Variants in KLHL25 observed in about 807,000 individuals in gnomAD.
KLHL25 encodes kelch like family member 25.
A neutral mutation model predicts 30.0 loss-of-function variants in KLHL25; 41 were observed. The observed-to-expected ratio is 1.37, with a 90% confidence interval of 1.07 to 1.78. The LOEUF is 1.78. Ranked by LOEUF, KLHL25 falls within the 40% of genes most tolerant of loss-of-function variation. The pLI is 0.00. For missense variants in KLHL25, 971 were observed against 824.5 expected (o/e 1.18, Z -2.18); for synonymous variants, 399 against 355.3 (o/e 1.12, Z -1.38).
chr15:85,767,956 G>A, intron 2 of KLHL25, 61 bp downstream of exon 2: 2 of 1,092,964 alleles, frequency 1.8e-6, no homozygotes, highest in South Asian at 1.6e-5. Context: ...GGAAGAGGTG[G>A]GACTGCATTC....
At chr15:85,788,636 T>G (rs2089796960) in intron 1 of KLHL25, among the ~76,000 whole-genome samples, 1 of 152,158 alleles carries the variant, frequency 6.6e-6, no homozygotes, top group Non-Finnish European at 1.5e-5. Context: ...ACCCTAGCGC[T>G]GTGCCATACC....
At chr15:85,775,173 G>A (rs113272196) in intron 1 of KLHL25, among the ~76,000 whole-genome samples, 6,232 of 152,252 alleles carry the variant, frequency 0.041, 409 homozygotes, top group African/African-American at 0.14. Context: ...CACTGCGCCC[G>A]GCCAGGGCGA....
chr15:85,787,100 CACCCG>C (rs2089786067), intron 1 of KLHL25, among the ~76,000 whole-genome samples: 2 of 147,670 alleles, frequency 1.4e-5, no homozygotes, highest in Non-Finnish European at 3.0e-5. Context: ...AATGAGATTC[CACCCG>C]CCCCCCCACC....
Position 85,760,047 on chromosome 15 carries a change from G to C in KLHL25, c.*989C>G, listed in dbSNP as rs1056823249. 2 of 152,296 alleles carry C rather than the reference G, an allele frequency of 1.3e-5. No homozygotes were observed. The highest frequency in any genetic ancestry group is 4.8e-5 in the African/African-American group (2 of 41,448). 9.4% of individuals were successfully genotyped at this position (152,296 alleles called of 1,614,324 possible). On this transcript the variant is annotated 3_prime_UTR_variant, in exon 3 of 3. Transcript: ENST00000337975. ...TCAGGGAGCAAATGGGGGCCAAAAC[G>C]CAAGAGGATGGTGAGGGTCCCGTCA...
chr15:85,786,986 A>G (rs997753795), intron 1 of KLHL25, among the ~76,000 whole-genome samples: 2 of 152,224 alleles, frequency 1.3e-5, no homozygotes, highest in Non-Finnish European at 2.9e-5. Flanking sequence ...CAGGAGACCA[A>G]TAAGAGGCAG....
At chr15:85,770,852 G>A (rs2089666374) in intron 1 of KLHL25, 10 of 338,694 alleles carry the variant, frequency 3.0e-5, no homozygotes, top group South Asian at 2.3e-4. Flanking sequence ...CAAGAAACAG[G>A]TTCACTACTT....
intron 1 of KLHL25, among the ~76,000 whole-genome samples, chr15:85,793,539 C>G (rs1329201778): frequency 1.3e-5 from 2 of 152,162 alleles, no homozygotes; most frequent in Non-Finnish European, 2.9e-5. Flanking sequence ...GCCAGGAATC[C>G]TCACAGCTCA....
At chr15:85,790,578 GGTAAGGGAACCTGCAT>G (rs1433100478) in intron 1 of KLHL25, among the ~76,000 whole-genome samples, 2 of 152,124 alleles carry the variant, frequency 1.3e-5, no homozygotes, top group African/African-American at 4.8e-5. Flanking sequence ...GGCTCACAGG[GGTAAGGGAACCTGCAT>G]GTAGTCACAC....
intron 1 of KLHL25, among the ~76,000 whole-genome samples, chr15:85,781,114 C>G (rs2089740152): frequency 6.6e-6 from 1 of 152,162 alleles, no homozygotes; most frequent in Non-Finnish European, 1.5e-5. Flanking sequence ...GTAGGTGGAT[C>G]ACCTGAGGTC....
Position 85,768,099 on chromosome 15 carries a change from A to T in KLHL25, c.1712T>A (p.Val571Glu). 6.2e-7 allele frequency: 1 copy of T among 1,614,212 alleles called. No individual in the cohort carries two copies. Among genetic ancestry groups the T allele is most frequent in the Non-Finnish European group, 8.5e-7 (1 of 1,180,040 alleles). Reference sequence around the variant, plus strand: ...GGCCGTGGGGATAAGTGAGTAGGGCACTGTGGTGATGCAGTTCCATGTATC... The same window carrying T: ...GGCCGTGGGGATAAGTGAGTAGGGCTCTGTGGTGATGCAGTTCCATGTATC... The part of the protein sequence containing the change: ...TSDTWNCITT[V>E]PYSLIPTAFV... The change falls in exon 2 of 3, where the codon GTG (valine) becomes GAG (glutamate). Residue 571 changes from valine (V) to glutamate (E), a missense_variant. Transcript: ENST00000337975.
At chr15:85,781,394 A>G (rs1376077962) in intron 1 of KLHL25, among the ~76,000 whole-genome samples, 1 of 152,220 alleles carries the variant, frequency 6.6e-6, no homozygotes, top group East Asian at 1.9e-4. Flanking sequence ...TATTACCACA[A>G]AAATAGTTTT....
chr15:85,779,837 T>C (rs1335012200), intron 1 of KLHL25, among the ~76,000 whole-genome samples: 2 of 152,252 alleles, frequency 1.3e-5, no homozygotes, highest in South Asian at 2.1e-4. Flanking sequence ...CACATCACTA[T>C]GGTTTACAAA....
chr15:85,773,099 G>T (rs1014216706), intron 1 of KLHL25, among the ~76,000 whole-genome samples: 2 of 152,240 alleles, frequency 1.3e-5, no homozygotes, highest in African/African-American at 4.8e-5. Context: ...GGCCCACACA[G>T]CTTCTGGGCA....
intron 1 of KLHL25, among the ~76,000 whole-genome samples, chr15:85,782,528 C>T (rs2089750437): frequency 6.6e-6 from 1 of 151,452 alleles, no homozygotes; most frequent in South Asian, 2.1e-4. Context: ...CCCCTCCCTT[C>T]CTCTCATTCT....
intron 1 of KLHL25, among the ~76,000 whole-genome samples, chr15:85,788,536 G>A (rs2089796109): frequency 6.6e-6 from 1 of 152,004 alleles, no homozygotes; most frequent in Non-Finnish European, 1.5e-5. Flanking sequence ...AAATTCCCTG[G>A]ACACATTTGA....
At chr15:85,761,361 G>A (rs2089581593) in intron 2 of KLHL25, 1 of 151,602 alleles carries the variant, frequency 6.6e-6, no homozygotes, top group Admixed American at 6.6e-5. Context: ...TGACCGGCGT[G>A]AGAGCCGTGG....
At chr15:85,792,186 T>C (rs577430568) in intron 1 of KLHL25, among the ~76,000 whole-genome samples, 1 of 152,190 alleles carries the variant, frequency 6.6e-6, no homozygotes, top group Non-Finnish European at 1.5e-5. Flanking sequence ...TGCTGATTGA[T>C]AAGTCCTGTT....
chr15:85,764,039 G>A (rs2089601401), intron 2 of KLHL25: 1 of 152,340 alleles, frequency 6.6e-6, no homozygotes, highest in African/African-American at 2.4e-5. Flanking sequence ...GGCTGCCTGA[G>A]TTGGGGGCTC....
chr15:85,777,206 C>G (rs1211997009), intron 1 of KLHL25, among the ~76,000 whole-genome samples: 1 of 152,220 alleles, frequency 6.6e-6, no homozygotes, highest in Non-Finnish European at 1.5e-5. Context: ...ACGGGCTTCC[C>G]CTTCAGGCAA....
Sources: allele counts gnomAD v4.1 joint callset (sites outside exome capture counted in the v4.1 genomes callset), GRCh38; gene constraint gnomAD v4.1.1; transcripts MANE v1.5; gene names NCBI Gene and HGNC (gene_info 2026-07-23, HGNC 2026-07-21).